Variants in MDFIC2 observed in about 807,000 individuals in gnomAD.
MDFIC2 encodes the protein myoD family inhibitor domain-containing protein 2.
intron 2 of MDFIC2, among the ~76,000 whole-genome samples, chr3:70,260,111 A>G (rs917648670): frequency 1.3e-5 from 2 of 152,184 alleles, no homozygotes; most frequent in African/African-American, 4.8e-5. Flanking sequence ...ATTGGCTTAC[A>G]GTTCTAAAGG....
At chr3:70,310,882 A>T (rs1702448370) in intron 2 of MDFIC2, among the ~76,000 whole-genome samples, 1 of 152,148 alleles carries the variant, frequency 6.6e-6, no homozygotes, top group Non-Finnish European at 1.5e-5. Flanking sequence ...ACAAACTGGC[A>T]TTGAATCTCA....
intron 2 of MDFIC2, among the ~76,000 whole-genome samples, chr3:70,267,942 C>T (rs142834007): frequency 6.6e-6 from 1 of 151,694 alleles, no homozygotes; most frequent in Non-Finnish European, 1.5e-5. Context: ...ATCCCCTTCC[C>T]TTCCTTTCCC....
At chr3:70,258,789 T>A (rs1200768194) in intron 2 of MDFIC2, among the ~76,000 whole-genome samples, 1 of 152,140 alleles carries the variant, frequency 6.6e-6, no homozygotes, top group African/African-American at 2.4e-5. Flanking sequence ...AAAAGTGTTA[T>A]TTAGCCAATA....
At chr3:70,237,918 G>A (rs1180882011) in intron 2 of MDFIC2, among the ~76,000 whole-genome samples, 1 of 142,548 alleles carries the variant, frequency 7.0e-6, no homozygotes, top group Non-Finnish European at 1.5e-5. Flanking sequence ...TCTCCAAGAG[G>A]ATTTAGAATT....
intron 2 of MDFIC2, among the ~76,000 whole-genome samples, chr3:70,264,073 A>G (rs1221055344): frequency 2.6e-5 from 4 of 152,208 alleles, no homozygotes; most frequent in South Asian, 2.1e-4. Context: ...GTCTAGCACA[A>G]TCACTTTGCA....
At chr3:70,252,536 A>T (rs536571492) in intron 2 of MDFIC2, among the ~76,000 whole-genome samples, 2 of 152,320 alleles carry the variant, frequency 1.3e-5, no homozygotes, top group Admixed American at 6.5e-5. Context: ...GCAAAAGCTA[A>T]GTGAGGCTAG....
intron 2 of MDFIC2, among the ~76,000 whole-genome samples, chr3:70,294,669 A>G (rs1437310758): frequency 6.6e-6 from 1 of 152,174 alleles, no homozygotes; most frequent in Non-Finnish European, 1.5e-5. Context: ...AAAGTAATTT[A>G]TGACTCATAT....
At chr3:70,259,632 T>G (rs1242891226) in intron 2 of MDFIC2, among the ~76,000 whole-genome samples, 1 of 152,162 alleles carries the variant, frequency 6.6e-6, no homozygotes, top group African/African-American at 2.4e-5. Flanking sequence ...CTCTACACCC[T>G]GAAAGTCTGA....
intron 2 of MDFIC2, among the ~76,000 whole-genome samples, chr3:70,308,619 C>T (rs781678096): frequency 8.6e-5 from 13 of 152,042 alleles, no homozygotes; most frequent in Admixed American, 7.9e-4. Context: ...AAAAGCAAGA[C>T]GATTGAATGA....
At chr3:70,288,194 T>G (rs1383127219) in intron 2 of MDFIC2, among the ~76,000 whole-genome samples, 1 of 141,210 alleles carries the variant, frequency 7.1e-6, no homozygotes, top group Non-Finnish European at 1.5e-5. Flanking sequence ...TTGTGGGCAT[T>G]TAGTGCTATA....
chr3:70,289,198 C>T (rs1183201290), intron 2 of MDFIC2, among the ~76,000 whole-genome samples: 4 of 149,424 alleles, frequency 2.7e-5, no homozygotes, highest in Admixed American at 6.7e-5. Context: ...CGGCTGGTAC[C>T]GGTTGTTCCT....
In MDFIC2 at chr3:70,239,269, T is replaced by A. The variant is rs188381098; in HGVS notation, c.89-32479A>T. 1.2e-4 allele frequency among the ~76,000 whole-genome samples: 18 copies of A among 152,160 alleles called. No homozygotes were observed. In the East Asian group the frequency reaches 3.3e-3, roughly 28 times the overall value. ...TTGTTATCTTGATTTCAAAGATTGT[T>A]TTAAAAAATCAAATGGTTTTCACAG... is the stretch of plus-strand genomic sequence containing the variant. On this transcript the variant is annotated intron_variant, in intron 2 of 3. Transcript: ENST00000567252.
At chr3:70,267,911 G>A (rs6549316) in intron 2 of MDFIC2, among the ~76,000 whole-genome samples, 150,841 of 151,896 alleles carry the variant, frequency 0.99, 74,903 homozygotes, top group Non-Finnish European at 1. Context: ...CAAGGTCCCA[G>A]TTTCCTTTCC....
At chr3:70,307,753 T>G (rs1464996565) in intron 2 of MDFIC2, among the ~76,000 whole-genome samples, 1 of 152,206 alleles carries the variant, frequency 6.6e-6, no homozygotes, top group Non-Finnish European at 1.5e-5. Context: ...TGCCTCTGTT[T>G]CTTAGTTCTT....
Position 70,197,178 on chromosome 3 carries a change from A to G in MDFIC2, c.318T>C (p.Cys106=). The part of the protein sequence containing the change: ...SVHHRDTDEE[C]ASLILACLFC... The stretch of plus-strand genomic sequence containing the variant: ...ACAGACAGGCGAGGATAAGGGAGGC[A>G]CACTCCTCTGTTTAAAGAAGAAGAC... Residue 106 remains cysteine, a synonymous_variant, in exon 4 of 4, where the codon TGT becomes TGC. Coordinates refer to ENST00000567252, the MANE Select transcript of MDFIC2 (RefSeq NM_001364677.1). The G allele has an allele frequency of 2.5e-6, 1 of 398,598 alleles. No individual in the cohort carries two copies. The highest frequency in any genetic ancestry group is 2.1e-5 in the African/African-American group (1 of 48,732). 24.7% of individuals were successfully genotyped at this position (398,598 alleles called of 1,614,324 possible).
chr3:70,291,779 T>C (rs2106693653), intron 2 of MDFIC2: 1 of 152,354 alleles, frequency 6.6e-6, no homozygotes, highest in African/African-American at 2.4e-5. Flanking sequence ...ATGTAATAGA[T>C]GCTCACTAAA....
chr3:70,299,339 C>G (rs961536628), intron 2 of MDFIC2, among the ~76,000 whole-genome samples: 5 of 151,598 alleles, frequency 3.3e-5, no homozygotes, highest in African/African-American at 1.2e-4. Context: ...TATACACACA[C>G]AAATATAAAG....
chr3:70,251,093 C>G (rs1031450764), intron 2 of MDFIC2, among the ~76,000 whole-genome samples: 1 of 152,112 alleles, frequency 6.6e-6, no homozygotes, highest in Admixed American at 6.6e-5. Flanking sequence ...ACTCGTAATA[C>G]CCAGTGGAGC....
intron 2 of MDFIC2, among the ~76,000 whole-genome samples, chr3:70,266,480 G>A (rs1176214986): frequency 6.6e-6 from 1 of 151,984 alleles, no homozygotes; most frequent in East Asian, 1.9e-4. Context: ...GAGAGTAGTG[G>A]CACAATCATG....
Sources: allele counts gnomAD v4.1 joint callset (sites outside exome capture counted in the v4.1 genomes callset), GRCh38; gene constraint gnomAD v4.1.1; transcripts MANE v1.5; gene names NCBI Gene and HGNC (gene_info 2026-07-23, HGNC 2026-07-21).